GALNT10: variants seen among roughly 807,000 people sequenced by gnomAD.
GALNT10 encodes the protein polypeptide N-acetylgalactosaminyltransferase 10, also known as GalNAc transferase 10.
Under a neutral mutation model 75.0 loss-of-function variants are expected in GALNT10, and 41 were observed. That is an observed-to-expected ratio of 0.55 (90% CI 0.43 to 0.71). GALNT10 has a LOEUF of 0.71. GALNT10 is among the 30% of genes least tolerant of loss of function. The pLI, the probability that GALNT10 is intolerant of heterozygous loss-of-function variation, is 0.00. For synonymous variants in GALNT10, 302 were observed against 313.0 expected (o/e 0.96, Z 0.37); for missense variants, 727 against 818.5 (o/e 0.89, Z 1.36).
At position 154,190,926 on chromosome 5, in the gene GALNT10, C is replaced by G. The variant is rs1455700904; in HGVS notation, c.60C>G (p.Val20=). The change falls in exon 1 of 12, where the codon GTC becomes GTG. Residue 20 remains valine (V), a synonymous_variant. Coordinates refer to ENST00000297107, the MANE Select transcript of GALNT10 (RefSeq NM_198321.4). Reference sequence around the variant, plus strand: ...TGGCGCTGGTGCTGGCGGCCCTGGTCCTCCTGCCCAACGTGGGGCTTTGGG... The same window carrying G: ...TGGCGCTGGTGCTGGCGGCCCTGGTGCTCCTGCCCAACGTGGGGCTTTGGG... ...QAVALVLAAL[V]LLPNVGLWAL... 1 of 1,501,904 alleles carries G rather than the reference C, an allele frequency of 6.7e-7. No individual in the cohort carries two copies. The highest frequency in any genetic ancestry group is 8.9e-7 in the Non-Finnish European group (1 of 1,127,076). 93.0% of individuals were successfully genotyped at this position (1,501,904 alleles called of 1,614,324 possible).
intron 4 of GALNT10, among the ~76,000 whole-genome samples, chr5:154,335,840 A>G (rs1371877467): frequency 1.3e-5 from 2 of 152,156 alleles, no homozygotes; most frequent in Non-Finnish European, 2.9e-5. Context: ...TTCTCCTAAA[A>G]TCCATAGTTT....
chr5:154,400,559 T>C (rs1471451908), intron 7 of GALNT10, among the ~76,000 whole-genome samples: 1 of 152,166 alleles, frequency 6.6e-6, no homozygotes, highest in Admixed American at 6.5e-5. Context: ...CAGTCCCCAA[T>C]AGGGAGAAGG....
chr5:154,323,073 T>C (rs528432320), intron 3 of GALNT10, among the ~76,000 whole-genome samples: 1 of 152,306 alleles, frequency 6.6e-6, no homozygotes, highest in South Asian at 2.1e-4. Flanking sequence ...AAGAAAAGCA[T>C]AGGGTTCTAG....
At chr5:154,236,737 T>C (rs1256160832) in intron 1 of GALNT10, among the ~76,000 whole-genome samples, 2 of 152,198 alleles carry the variant, frequency 1.3e-5, no homozygotes, top group Non-Finnish European at 2.9e-5. Context: ...ACTTTGATTC[T>C]CATAACAGAA....
At chr5:154,323,591 G>A (rs542428282) in intron 3 of GALNT10, among the ~76,000 whole-genome samples, 1 of 152,314 alleles carries the variant, frequency 6.6e-6, no homozygotes, top group African/African-American at 2.4e-5. Flanking sequence ...AGGCAGTCAG[G>A]TGATGTATGT....
intron 1 of GALNT10, among the ~76,000 whole-genome samples, chr5:154,192,958 T>G (rs1357888991): frequency 6.6e-6 from 1 of 152,148 alleles, no homozygotes; most frequent in Non-Finnish European, 1.5e-5. Context: ...AGTAAATTAC[T>G]CACTTGTGCA....
intron 4 of GALNT10, chr5:154,347,260 G>A (rs780733358): frequency 3.4e-5 from 16 of 466,328 alleles, no homozygotes; most frequent in Non-Finnish European, 5.9e-5. Context: ...CTGGACAAGC[G>A]CATGGCAGAG....
chr5:154,328,584 G>C (rs1392088606), intron 3 of GALNT10, among the ~76,000 whole-genome samples: 20 of 152,224 alleles, frequency 1.3e-4, no homozygotes. Flanking sequence ...GGTGTCCTGT[G>C]ATTCAATTCA....
In GALNT10 at chr5:154,201,008, A is replaced by G. The variant is rs192232937; in HGVS notation, c.159+9983A>G. Among the ~76,000 whole-genome samples, 5 of 151,896 alleles carry G rather than the reference A, an allele frequency of 3.3e-5. No homozygotes were observed. In the East Asian group the frequency reaches 9.7e-4, roughly 29 times the overall value. ...TTTGTTTTTGTTTTTTTGTTTTTTA[A>G]TCAAAGTTCAGCTGCTGAGTTCAGG... is the stretch of plus-strand genomic sequence containing the variant. On this transcript the variant is annotated intron_variant, in intron 1 of 11. Transcript: ENST00000297107.
At chr5:154,415,960 C>T (rs1756498835) in intron 11 of GALNT10, 28 bp downstream of exon 11, 1 of 1,605,770 alleles carries the variant, frequency 6.2e-7, no homozygotes, top group Non-Finnish European at 8.5e-7. Flanking sequence ...GGGAGCAGGG[C>T]ACCTGCTTAA....
chr5:154,240,995 G>A (rs1014030370), intron 1 of GALNT10, among the ~76,000 whole-genome samples: 4 of 152,204 alleles, frequency 2.6e-5, no homozygotes, highest in Admixed American at 1.3e-4. Flanking sequence ...TTTCCAGTGA[G>A]GAGTAGAGCT....
intron 8 of GALNT10, among the ~76,000 whole-genome samples, chr5:154,405,531 G>T (rs1005940624): frequency 3.3e-5 from 5 of 152,096 alleles, no homozygotes; most frequent in African/African-American, 1.2e-4. Context: ...GATCCCTGAG[G>T]AGGGAGCCAG....
intron 3 of GALNT10, among the ~76,000 whole-genome samples, chr5:154,323,633 G>A (rs1754709858): frequency 6.6e-6 from 1 of 152,214 alleles, no homozygotes. Flanking sequence ...GGAGGTCAGG[G>A]GAACCCCTGC....
chr5:154,236,955 T>C lies in GALNT10; in HGVS notation c.159+45930T>C, dbSNP rs569281030. On this transcript the variant is annotated intron_variant, in intron 1 of 11. Transcript: ENST00000297107. ...CAGGCCTGGGCTTTCTGCTTGGCAGTGTCTAGGGGTCTGGGGCAAAAAGAT... is the reference window on the plus strand; with the variant it reads ...CAGGCCTGGGCTTTCTGCTTGGCAGCGTCTAGGGGTCTGGGGCAAAAAGAT... Among the ~76,000 whole-genome samples, 11 of 152,254 alleles carry C rather than the reference T, an allele frequency of 7.2e-5. No homozygotes were observed. In the East Asian group the frequency reaches 1.5e-3, roughly 21 times the overall value.
chr5:154,195,927 T>C (rs1224068069), intron 1 of GALNT10, among the ~76,000 whole-genome samples: 1 of 152,224 alleles, frequency 6.6e-6, no homozygotes, highest in Non-Finnish European at 1.5e-5. Flanking sequence ...TGTTTTTGTT[T>C]TTGTTTTTTT....
chr5:154,231,482 G>A (rs767257048), intron 1 of GALNT10, among the ~76,000 whole-genome samples: 18 of 152,164 alleles, frequency 1.2e-4, no homozygotes, highest in African/African-American at 2.4e-5. Flanking sequence ...TTATGAGAGG[G>A]TGGGAGACAC....
intron 1 of GALNT10, among the ~76,000 whole-genome samples, chr5:154,233,760 G>A (rs1160937072): frequency 6.6e-6 from 1 of 152,212 alleles, no homozygotes; most frequent in Non-Finnish European, 1.5e-5. Flanking sequence ...GGTAGACAGG[G>A]CCGCCTTCAT....
At chr5:154,339,629 T>C (rs558922537) in intron 4 of GALNT10, among the ~76,000 whole-genome samples, 5 of 152,206 alleles carry the variant, frequency 3.3e-5, no homozygotes, top group South Asian at 2.1e-4. Context: ...AGCTCCAATG[T>C]TTTGGAAAGA....
chr5:154,349,988 C>A (rs957043420), intron 4 of GALNT10, among the ~76,000 whole-genome samples: 5 of 152,158 alleles, frequency 3.3e-5, no homozygotes, highest in African/African-American at 1.2e-4. Flanking sequence ...GTCACACAAG[C>A]CACATTTCAC....
Sources: allele counts gnomAD v4.1 joint callset (sites outside exome capture counted in the v4.1 genomes callset), GRCh38; gene constraint gnomAD v4.1.1; transcripts MANE v1.5; gene names NCBI Gene and HGNC (gene_info 2026-07-23, HGNC 2026-07-21).